Variants in LAMA2 observed in about 807,000 individuals in gnomAD.
The protein encoded by LAMA2 is laminin subunit alpha-2.
In LAMA2, 269 loss-of-function variants were observed where a neutral mutation model predicts 364.8. The ratio of observed to expected loss-of-function variants is 0.74; its 90% CI spans 0.67 to 0.82. The LOEUF is 0.82. Ranked by LOEUF, LAMA2 falls within the 40% of genes least tolerant of loss-of-function variation. The pLI is 0.00. For missense variants in LAMA2, 3,807 were observed against 3,873.2 expected, an observed-to-expected ratio of 0.98 and a Z score of 0.45; for synonymous variants, 1,379 against 1,370.6, an observed-to-expected ratio of 1.01 and a Z score of -0.14.
intron 41 of LAMA2, among the ~76,000 whole-genome samples, chr6:129,431,227 T>C (rs1781573179): frequency 6.6e-6 from 1 of 151,932 alleles, no homozygotes; most frequent in African/African-American, 2.4e-5. Context: ...GGTGAAACCC[T>C]GTCTCTACTA....
At chr6:129,144,211 A>AGAT (rs2114959265) in intron 5 of LAMA2, 131 bp downstream of exon 5, 2 of 632,748 alleles carry the variant, frequency 3.2e-6, no homozygotes, top group African/African-American at 3.7e-5. Context: ...TTAGAATTGT[A>AGAT]GATTATTATT....
At chr6:129,267,389 A>T (rs1003082604) in intron 16 of LAMA2, among the ~76,000 whole-genome samples, 170 bp downstream of exon 16, 5 of 152,240 alleles carry the variant, frequency 3.3e-5, no homozygotes, top group African/African-American at 1.2e-4. Flanking sequence ...TTCATATGTG[A>T]TCTCCCTAAT....
chr6:129,050,562 G>C (rs908835392), intron 2 of LAMA2, among the ~76,000 whole-genome samples: 1 of 152,154 alleles, frequency 6.6e-6, no homozygotes, highest in Admixed American at 6.5e-5. Flanking sequence ...GTAAGTAAAG[G>C]CTTGCCAGAA....
rs139721949 is a variant in LAMA2 at position 129,018,242 on chromosome 6, C to T, written c.113-31676C>T. Among the ~76,000 whole-genome samples the T allele has an allele frequency of 1.8e-3, 275 of 151,924 alleles. 1 individual carries two copies. The highest frequency in any genetic ancestry group is 3.7e-3 in the Admixed American group (56 of 15,258). ...ATTTTAGAAAAAGACATTAAAAAGA[C>T]TTTATTAAAATAGAGGACATGATGA... On this transcript the variant is annotated intron_variant, in intron 1 of 64. Transcript: ENST00000421865.
chr6:129,051,857 A>C (rs1175830694), intron 2 of LAMA2, among the ~76,000 whole-genome samples: 1 of 151,942 alleles, frequency 6.6e-6, no homozygotes, highest in East Asian at 1.9e-4. Flanking sequence ...TTCATGAAGA[A>C]TATGAGAAAG....
intron 15 of LAMA2, among the ~76,000 whole-genome samples, chr6:129,263,720 AT>A (rs2114331795): frequency 6.6e-6 from 1 of 152,068 alleles, no homozygotes; most frequent in Non-Finnish European, 1.5e-5. Flanking sequence ...GTGTAATCTG[AT>A]TTACATTTTT....
chr6:129,125,570 T>C (rs1777064091), intron 4 of LAMA2, among the ~76,000 whole-genome samples: 1 of 152,214 alleles, frequency 6.6e-6, no homozygotes, highest in Admixed American at 6.5e-5. Flanking sequence ...TTCTCTTTGT[T>C]GGATGTGAAA....
intron 3 of LAMA2, among the ~76,000 whole-genome samples, chr6:129,064,519 G>T (rs1789163068): frequency 6.6e-6 from 1 of 151,774 alleles, no homozygotes; most frequent in African/African-American, 2.4e-5. Context: ...TTGGGTTTTG[G>T]AAAATATAAG....
chr6:129,232,270 G>A (rs1024533776), intron 12 of LAMA2, among the ~76,000 whole-genome samples: 1 of 152,038 alleles, frequency 6.6e-6, no homozygotes, highest in African/African-American at 2.4e-5. Context: ...ATATTCTAAG[G>A]AGATCTCAGC....
chr6:129,496,908 T>C (rs1007132044), intron 58 of LAMA2, among the ~76,000 whole-genome samples: 3 of 152,226 alleles, frequency 2.0e-5, no homozygotes, highest in Non-Finnish European at 4.4e-5. Context: ...GGATTACTAT[T>C]ATGAGGGAAT....
intron 12 of LAMA2, among the ~76,000 whole-genome samples, chr6:129,206,629 A>C (rs1337280136): frequency 1.3e-5 from 2 of 152,176 alleles, no homozygotes; most frequent in Non-Finnish European, 2.9e-5. Context: ...AGGAAACATA[A>C]AGCTTACATT....
intron 62 of LAMA2, 41 bp downstream of exon 62, chr6:129,507,683 A>G (rs1772230048): frequency 1.3e-6 from 2 of 1,590,756 alleles, no homozygotes; most frequent in East Asian, 4.5e-5. Flanking sequence ...TATTAACTAG[A>G]TACAAATACT....
At chr6:129,200,459 CAT>C (rs1782206002) in intron 12 of LAMA2, among the ~76,000 whole-genome samples, 1 of 144,960 alleles carries the variant, frequency 6.9e-6, no homozygotes, top group African/African-American at 2.6e-5. Flanking sequence ...TATATATATA[CAT>C]GTACACATAT....
At chr6:128,955,933 A>G (rs531837273) in intron 1 of LAMA2, among the ~76,000 whole-genome samples, 1 of 152,112 alleles carries the variant, frequency 6.6e-6, no homozygotes, top group East Asian at 1.9e-4. Context: ...ATGCAAAAAC[A>G]TTCAGTAAAA....
At chr6:129,141,485 G>A (rs1778122545) in intron 4 of LAMA2, among the ~76,000 whole-genome samples, 1 of 151,950 alleles carries the variant, frequency 6.6e-6, no homozygotes, top group Non-Finnish European at 1.5e-5. Context: ...GATTCAATTA[G>A]GTGGAACATA....
At chr6:129,150,334 C>T (rs919471342) in intron 7 of LAMA2, among the ~76,000 whole-genome samples, 3 of 152,102 alleles carry the variant, frequency 2.0e-5, no homozygotes, top group African/African-American at 7.2e-5. Context: ...AATGTAATGC[C>T]ACCCAGGGAT....
At chr6:129,037,447 A>G (rs1015358247) in intron 1 of LAMA2, among the ~76,000 whole-genome samples, 5 of 152,202 alleles carry the variant, frequency 3.3e-5, no homozygotes, top group African/African-American at 1.2e-4. Flanking sequence ...TGGCTTTTCC[A>G]TAGAAAGACT....
At chr6:129,263,151 G>A (rs529220269) in intron 15 of LAMA2, among the ~76,000 whole-genome samples, 23 of 152,062 alleles carry the variant, frequency 1.5e-4, no homozygotes, top group African/African-American at 5.3e-4. Context: ...TTGTTTGTTC[G>A]TACTTTCATT....
At chr6:128,958,129 G>T (rs189783192) in intron 1 of LAMA2, among the ~76,000 whole-genome samples, 172 of 151,990 alleles carry the variant, frequency 1.1e-3, no homozygotes, top group African/African-American at 3.9e-3. Context: ...CATAGAAGCA[G>T]AAATAAGTAA....
Sources: gnomAD v4.1 joint callset for allele counts (sites outside exome capture counted in the v4.1 genomes callset) on GRCh38, gnomAD v4.1.1 for gene constraint, MANE v1.5 for transcripts, NCBI Gene and HGNC (gene_info 2026-07-23, HGNC 2026-07-21) for gene names.